MEIS3: variants seen among roughly 807,000 people sequenced by gnomAD.
MEIS3 encodes the protein Meis homeobox 3, also known as homeobox protein Meis3.
Under a neutral mutation model 51.4 loss-of-function variants are expected in MEIS3, and 38 were observed. The observed-to-expected ratio is 0.74, with a 90% CI of 0.57 to 0.97. The LOEUF is 0.97. Among genes scored for constraint, MEIS3 ranks in the 50% least tolerant of loss-of-function variants. MEIS3 has a pLI of 0.00. For missense variants in MEIS3, 456 were observed against 502.6 expected (o/e 0.91, Z 0.89); for synonymous variants, 198 against 201.8 (o/e 0.98, Z 0.16).
At chr19:47,413,977 C>A (rs1044171796) in intron 6 of MEIS3, among the ~76,000 whole-genome samples, 3 of 151,902 alleles carry the variant, frequency 2.0e-5, no homozygotes, top group Admixed American at 6.6e-5. Context: ...CCTCATGATC[C>A]ACCCACCTCA....
chr19:47,418,042 G>A, intron 1 of MEIS3: 1 of 305,292 alleles, frequency 3.3e-6, no homozygotes, highest in South Asian at 5.4e-5. Flanking sequence ...ACAGGGCCTG[G>A]CTCATGCTGT....
intron 6 of MEIS3, among the ~76,000 whole-genome samples, chr19:47,412,054 G>A (rs1045499168): frequency 6.6e-6 from 1 of 151,688 alleles, no homozygotes; most frequent in Non-Finnish European, 1.5e-5. Flanking sequence ...GACTGCTCTC[G>A]AACTCCTGGG....
rs368792495 is a variant in MEIS3 at position 47,419,194 on chromosome 19, A to G, written c.-113T>C. ...GCGGTGTTGACGCCAGGGGGTGGGC[A>G]GGAGGCCAGGCGCGCGCCCCCCCAC... On this transcript the variant is annotated 5_prime_UTR_variant, in exon 1 of 13. Coordinates refer to ENST00000558555, the MANE Select transcript of MEIS3 (RefSeq NM_001301059.2). The G allele has an allele frequency of 1.6e-4, 121 of 756,920 alleles. No homozygotes were observed. In the African/African-American group the frequency reaches 1.8e-3, roughly 11 times the overall value. The allele number at this position is 756,920 out of a possible 1,614,324, so 46.9% of individuals were successfully genotyped here.
rs746716534 is a variant in MEIS3 at position 47,409,142 on chromosome 19, A to C, written c.815T>G (p.Val272Gly). Reference protein sequence around the residue: ...RNKKRGIFPKVATNIMRAWLF... With the variant: ...RNKKRGIFPKGATNIMRAWLF... ...CCAGGCTCGCATGATGTTGGTGGCC[A>C]CCTTGGGGAAGATCCCCCTCTTCTT... The change falls in exon 8 of 13, where the codon GTG becomes GGG. Residue 272 changes from valine to glycine, a missense_variant. Physicochemically the swap from Val to Gly is moderately radical, Grantham distance 109. Transcript: ENST00000558555. 3.7e-6 allele frequency: 6 copies of C among 1,610,788 alleles called. No individual in the cohort carries two copies. Among genetic ancestry groups the C allele is most frequent in the South Asian group, 1.1e-5 (1 of 90,972 alleles).
At chr19:47,416,746 C>T (rs1971434602) in intron 3 of MEIS3, 44 bp from the exon 4 acceptor site, 1 of 1,611,892 alleles carries the variant, frequency 6.2e-7, no homozygotes, top group African/African-American at 1.3e-5. Context: ...TCCCGCCTTC[C>T]ACCCACCCCT....
At position 47,412,654 on chromosome 19, in the gene MEIS3, C is replaced by T. The variant is rs113011101; in HGVS notation, c.597+2063G>A. Among the ~76,000 whole-genome samples, 1,060 of 152,222 alleles carry T rather than the reference C, an allele frequency of 7.0e-3. 15 individuals are homozygous for T. The highest frequency in any genetic ancestry group is 0.024 in the African/African-American group (1,001 of 41,540). On this transcript the variant is annotated intron_variant, in intron 6 of 12. Coordinates refer to ENST00000558555, the MANE Select transcript of MEIS3 (RefSeq NM_001301059.2). ...TTGGCTCACTGCAACCTTCGCCTCC[C>T]GGGTTCAAGCAATTCTCCTGCCTCA...
chr19:47,421,983 G>A (rs760984348), upstream of MEIS3, among the ~76,000 whole-genome samples: 9 of 148,928 alleles, frequency 6.0e-5, no homozygotes, highest in Non-Finnish European at 8.9e-5. Flanking sequence ...TAAATACATC[G>A]CCCCCTTCCC....
In MEIS3 at chr19:47,418,377, G is replaced by C. The variant is rs376081442; in HGVS notation, c.12+693C>G. The C allele has an allele frequency of 3.4e-3, 526 of 152,988 alleles. 7 individuals are homozygous for C. Among genetic ancestry groups the C allele is most frequent in the South Asian group, 0.027 (129 of 4,842 alleles). The allele number at this position is 152,988 out of a possible 1,614,324, so 9.5% of individuals were successfully genotyped here. On this transcript the variant is annotated intron_variant, in intron 1 of 12. Coordinates refer to ENST00000558555, the MANE Select transcript of MEIS3 (RefSeq NM_001301059.2). ...CTAACTTCTCCTGTGCCCTGAAGTT[G>C]AATCCAACTGCTCCCCGCTGCTCAA...
intron 6 of MEIS3, among the ~76,000 whole-genome samples, chr19:47,411,537 CT>C (rs1568424229): frequency 1.3e-4 from 11 of 86,924 alleles, no homozygotes; most frequent in African/African-American, 3.6e-4. Flanking sequence ...TTATCTTTTT[CT>C]TTTCTTTTTT....
chr19:47,410,494 C>T (rs539687861), intron 6 of MEIS3, among the ~76,000 whole-genome samples: 55 of 151,072 alleles, frequency 3.6e-4, no homozygotes, highest in African/African-American at 1.3e-3. Context: ...GGGCCGGGCG[C>T]GATGGCTCAT....
chr19:47,417,550 C>T, intron 1 of MEIS3, 200 bp from the exon 2 acceptor site: 2 of 718,848 alleles, frequency 2.8e-6, no homozygotes, highest in Non-Finnish European at 2.5e-6. Flanking sequence ...GGAGTGAGGA[C>T]CCCGTCCAGG....
At chr19:47,418,986 G>C (rs1194855171) in intron 1 of MEIS3, 84 bp downstream of exon 1, 4 of 927,536 alleles carry the variant, frequency 4.3e-6, no homozygotes, top group Non-Finnish European at 5.6e-6. Context: ...ATGGGCTAAT[G>C]GGGGCCAGCG....
At chr19:47,410,422 T>C (rs1427810418) in intron 6 of MEIS3, among the ~76,000 whole-genome samples, 1 of 135,042 alleles carries the variant, frequency 7.4e-6, no homozygotes, top group Non-Finnish European at 1.6e-5. Context: ...CACTCCAGCC[T>C]GGCCGGGGTG....
At position 47,407,098 on chromosome 19, in the gene MEIS3, G is replaced by A. The variant is rs1223053853; in HGVS notation, c.975C>T (p.Ile325=). 6.2e-7 allele frequency: 1 copy of A among 1,611,490 alleles called. No homozygotes were observed. The highest frequency in any genetic ancestry group is 8.5e-7 in the Non-Finnish European group (1 of 1,179,144). Residue 325 remains isoleucine (I), a synonymous_variant, in exon 10 of 13, where the codon ATC becomes ATT. Transcript: ENST00000558555. ...NARRRIVQPM[I]DQSNRTGQGA... ...CTGTACCTGTGCGGTTGGATTGATC[G>A]ATCATAGGTTGCACGATGCGTCTCC...
At chr19:47,417,746 A>G (rs1228427209) in intron 1 of MEIS3, 2 of 670,144 alleles carry the variant, frequency 3.0e-6, no homozygotes, top group Non-Finnish European at 5.4e-6. Context: ...CAAAGTACAC[A>G]TACGAAGCCT....
chr19:47,414,331 C>T (rs1971283681), intron 6 of MEIS3, among the ~76,000 whole-genome samples: 1 of 152,038 alleles, frequency 6.6e-6, no homozygotes, highest in Non-Finnish European at 1.5e-5. Context: ...GAACGGCGTG[C>T]GGAACCCGGC....
chr19:47,415,503 T>C (rs1006401972), intron 4 of MEIS3, among the ~76,000 whole-genome samples: 1 of 151,264 alleles, frequency 6.6e-6, no homozygotes, highest in African/African-American at 2.4e-5. Context: ...TAGGAAGCCC[T>C]GGCAAGAGCT....
chr19:47,414,496 T>A (rs967894887), intron 6 of MEIS3, among the ~76,000 whole-genome samples: 7 of 152,066 alleles, frequency 4.6e-5, no homozygotes, highest in African/African-American at 1.7e-4. Flanking sequence ...GTGGGTGGCA[T>A]CTGCAGCCGC....
upstream of MEIS3, among the ~76,000 whole-genome samples, chr19:47,421,750 T>G (rs1429648694): frequency 1.3e-5 from 2 of 151,620 alleles, no homozygotes. Context: ...TCCTGGCTTT[T>G]TTTTTTTTTC....
Sources: gnomAD v4.1 joint callset for allele counts (sites outside exome capture counted in the v4.1 genomes callset) on GRCh38, gnomAD v4.1.1 for gene constraint, MANE v1.5 for transcripts, NCBI Gene and HGNC (gene_info 2026-07-23, HGNC 2026-07-21) for gene names.